PACSIN1: variants seen among roughly 807,000 people sequenced by gnomAD.
PACSIN1 encodes the protein protein kinase C and casein kinase substrate in neurons protein 1.
Under a neutral mutation model 59.5 loss-of-function variants are expected in PACSIN1, and 15 were observed. That is an observed-to-expected ratio of 0.25 (90% CI 0.17 to 0.39). PACSIN1 has a LOEUF of 0.39. PACSIN1 is among the 10% of genes least tolerant of loss of function. The pLI, the probability that PACSIN1 is intolerant of heterozygous loss-of-function variation, is 1.00. For synonymous variants in PACSIN1, 210 were observed against 220.6 expected (o/e 0.95, Z 0.42); for missense variants, 420 against 580.2 (o/e 0.72, Z 2.84).
At position 34,514,333 on chromosome 6, in the gene PACSIN1, G is replaced by A. The variant is rs997358301; in HGVS notation, c.-63-11910G>A. On this transcript the variant is annotated intron_variant, in intron 1 of 9. Transcript: ENST00000244458. This position sits in a 1 kb window ranked among gnomAD's most constrained non-coding sequence, Gnocchi z 4.4. ...GACTCTCCAATTCTTTTACAGCTGT[G>A]GCCCTCAGCTTCCAATCTGTCAAAT... is the stretch of plus-strand genomic sequence containing the variant. Among the ~76,000 whole-genome samples, 1 of 152,032 alleles carries A rather than the reference G, an allele frequency of 6.6e-6. No individual in the cohort carries two copies. The highest frequency in any genetic ancestry group is 2.4e-5 in the African/African-American group (1 of 41,378).
chr6:34,522,368 C>T (rs1299469683), intron 1 of PACSIN1, among the ~76,000 whole-genome samples: 2 of 152,250 alleles, frequency 1.3e-5, no homozygotes, highest in African/African-American at 2.4e-5. Context: ...AGTAGGCACT[C>T]GGTAAACGCC....
rs954057472 is a variant in PACSIN1 at position 34,531,213 on chromosome 6, G to A, written c.1038-387G>A. ...TAAATATTACCATTTTACAGATGGA[G>A]AAACTGAAACCCAGACAGGTTAAGT... On this transcript the variant is annotated intron_variant, in intron 8 of 9. Transcript: ENST00000244458. This position sits in a 1 kb window ranked among gnomAD's most constrained non-coding sequence, Gnocchi z 4.4. Among the ~76,000 whole-genome samples, 4 of 152,228 alleles carry A rather than the reference G, an allele frequency of 2.6e-5. No homozygotes were observed. Among genetic ancestry groups the A allele is most frequent in the African/African-American group, 9.6e-5 (4 of 41,452 alleles).
chr6:34,481,968 C>T (rs1766725951), intron 1 of PACSIN1, among the ~76,000 whole-genome samples: 1 of 152,200 alleles, frequency 6.6e-6, no homozygotes, highest in Non-Finnish European at 1.5e-5. Flanking sequence ...TCCCTCAGCT[C>T]TGGAAATCAC....
intron 1 of PACSIN1, among the ~76,000 whole-genome samples, chr6:34,508,114 T>C (rs1767142518): frequency 1.3e-5 from 2 of 152,202 alleles, no homozygotes; most frequent in African/African-American, 4.8e-5. Flanking sequence ...TGTTTGTTTG[T>C]TTGTTTGAGA....
chr6:34,502,089 G>A (rs1019383293), intron 1 of PACSIN1, among the ~76,000 whole-genome samples: 3 of 151,178 alleles, frequency 2.0e-5, no homozygotes, highest in Non-Finnish European at 4.4e-5. Context: ...TTGCTGGGAT[G>A]GAGAAGTACA....
chr6:34,483,458 G>A (rs971669604), intron 1 of PACSIN1, among the ~76,000 whole-genome samples: 16 of 152,156 alleles, frequency 1.1e-4, no homozygotes, highest in African/African-American at 3.4e-4. Flanking sequence ...GCTTGCGCAG[G>A]GCCACGTAGC....
intron 1 of PACSIN1, among the ~76,000 whole-genome samples, chr6:34,519,604 T>C (rs1026316754): frequency 2.6e-5 from 4 of 152,084 alleles, no homozygotes; most frequent in Admixed American, 6.5e-5. Context: ...GCTCCTGTCA[T>C]GAAGGCTCTG....
chr6:34,511,180 A>G (rs1044835486), intron 1 of PACSIN1, among the ~76,000 whole-genome samples: 2 of 152,240 alleles, frequency 1.3e-5, no homozygotes, highest in African/African-American at 4.8e-5. Flanking sequence ...TGTTAAATGC[A>G]TGAAGAAACT....
intron 1 of PACSIN1, among the ~76,000 whole-genome samples, chr6:34,495,234 T>C (rs930797193): frequency 1.3e-5 from 2 of 152,122 alleles, no homozygotes; most frequent in Admixed American, 1.3e-4. Flanking sequence ...GTTATTTAGA[T>C]GTGCAAAAGG....
chr6:34,508,863 AT>A (rs1437254646), intron 1 of PACSIN1, among the ~76,000 whole-genome samples: 15 of 151,948 alleles, frequency 9.9e-5, no homozygotes, highest in African/African-American at 3.1e-4. Flanking sequence ...TCATTTTTAA[AT>A]TTTTTTTAAG....
chr6:34,482,633 A>G (rs1273335686), intron 1 of PACSIN1, among the ~76,000 whole-genome samples: 1 of 151,122 alleles, frequency 6.6e-6, no homozygotes, highest in Non-Finnish European at 1.5e-5. Context: ...TTGGATATAT[A>G]CCTAGGAGTA....
chr6:34,528,401 C>T (rs1042043253), intron 3 of PACSIN1, among the ~76,000 whole-genome samples: 12 of 152,140 alleles, frequency 7.9e-5, no homozygotes, highest in Non-Finnish European at 1.2e-4. Context: ...GAGGTATGGC[C>T]GCAGATACTG....
chr6:34,503,480 A>T (rs909370506), intron 1 of PACSIN1, among the ~76,000 whole-genome samples: 1 of 152,136 alleles, frequency 6.6e-6, no homozygotes, highest in Non-Finnish European at 1.5e-5. Flanking sequence ...CGTTAGCCAC[A>T]CTGGAGCATG....
intron 1 of PACSIN1, among the ~76,000 whole-genome samples, chr6:34,520,837 CAG>C (rs1767378926): frequency 6.6e-6 from 1 of 152,012 alleles, no homozygotes; most frequent in Admixed American, 6.6e-5. Flanking sequence ...GGCTTGGAGA[CAG>C]AGGGCGGGTG....
At position 34,534,999 on chromosome 6, in the gene PACSIN1, G is replaced by T. The variant is rs918138391; in HGVS notation, c.*2469G>T. The T allele has an allele frequency of 6.6e-6, 1 of 152,654 alleles. No individual in the cohort carries two copies. Among genetic ancestry groups the T allele is most frequent in the Admixed American group, 6.5e-5 (1 of 15,290 alleles). The allele number at this position is 152,654 out of a possible 1,614,324, so 9.5% of individuals were successfully genotyped here. A position where few individuals can be genotyped will look rare whatever the true frequency, so the allele number is the denominator to read the frequency against. ...GTCCCCAGTTAACCACCATTCTGCG[G>T]CCTGGTTCTGCAAGGAACCAGGGCT... On this transcript the variant is annotated 3_prime_UTR_variant, in exon 10 of 10. Coordinates refer to ENST00000244458, the MANE Select transcript of PACSIN1 (RefSeq NM_020804.5).
intron 1 of PACSIN1, among the ~76,000 whole-genome samples, chr6:34,496,235 T>C (rs1183762715): frequency 6.6e-6 from 1 of 152,308 alleles, no homozygotes; most frequent in Middle Eastern, 3.4e-3. Flanking sequence ...ATTGCTGCGG[T>C]AATTATGAAG....
intron 1 of PACSIN1, among the ~76,000 whole-genome samples, chr6:34,487,267 C>T (rs1233319022): frequency 1.3e-5 from 2 of 152,170 alleles, no homozygotes; most frequent in Non-Finnish European, 2.9e-5. Flanking sequence ...CTTCCCGCAT[C>T]CTGGAAGGTT....
chr6:34,467,859 G>A (rs1766519655), intron 1 of PACSIN1, among the ~76,000 whole-genome samples: 2 of 152,240 alleles, frequency 1.3e-5, no homozygotes, highest in Middle Eastern at 3.4e-3. Context: ...TGCCCGGCTA[G>A]GCCCTTCCTA....
At position 34,530,049 on chromosome 6, in the gene PACSIN1, G is replaced by A. The variant is rs1468188572; in HGVS notation, c.789-194G>A. ...TAGAAACACATGCTGGATGATGGGTGAATGGCTAAGGTGGGAGGGAAAAGG... is the reference window on the plus strand; with the variant it reads ...TAGAAACACATGCTGGATGATGGGTAAATGGCTAAGGTGGGAGGGAAAAGG... On this transcript the variant is annotated intron_variant, in intron 6 of 9. Transcript: ENST00000244458. The surrounding 1 kb of genome is among the most constrained non-coding windows in gnomAD (Gnocchi z 4.4). Among the ~76,000 whole-genome samples, 2 of 152,198 alleles carry A rather than the reference G, an allele frequency of 1.3e-5. No individual in the cohort carries two copies. The highest frequency in any genetic ancestry group is 3.9e-4 in the East Asian group (2 of 5,190).
Sources: allele counts gnomAD v4.1 joint callset (sites outside exome capture counted in the v4.1 genomes callset), GRCh38; gene constraint gnomAD v4.1.1; non-coding constraint Gnocchi (gnomAD v3.1); transcripts MANE v1.5; gene names NCBI Gene and HGNC (gene_info 2026-07-23, HGNC 2026-07-21).